ACSL5: variants seen among roughly 807,000 people sequenced by gnomAD.
ACSL5 encodes the protein acyl-CoA synthetase long chain family member 5.
ACSL5 carries 50 observed loss-of-function variants against 84.9 expected under a neutral mutation model. The observed-to-expected ratio is 0.59, with a 90% CI of 0.47 to 0.75. ACSL5 has a LOEUF of 0.75. Among genes scored for constraint, ACSL5 ranks in the 30% least tolerant of loss-of-function variants. The pLI, the probability that ACSL5 is intolerant of heterozygous loss-of-function variation, is 0.00. For missense variants in ACSL5, 775 were observed against 830.4 expected, an observed-to-expected ratio of 0.93 and a Z score of 0.82; for synonymous variants, 280 against 300.7, an observed-to-expected ratio of 0.93 and a Z score of 0.71.
Position 112,409,130 on chromosome 10 carries a change from T to C in ACSL5, c.533-377T>C, listed in dbSNP as rs59733621. ...AAAATTTAGAATTGTAAAATACTTGTCAGCTAAAAATCCTATTTGCCCCCT... is the reference window on the plus strand; with the variant it reads ...AAAATTTAGAATTGTAAAATACTTGCCAGCTAAAAATCCTATTTGCCCCCT... On this transcript the variant is annotated intron_variant, in intron 6 of 20. Coordinates refer to ENST00000354655, the MANE Select transcript of ACSL5 (RefSeq NM_203379.2). 5.8e-3 allele frequency: 1,075 copies of C among 184,704 alleles called. 13 individuals are homozygous for C. The highest frequency in any genetic ancestry group is 0.024 in the African/African-American group (1,008 of 42,676). 11.4% of individuals were successfully genotyped at this position (184,704 alleles called of 1,614,324 possible).
chr10:112,410,683 A>G, intron 9 of ACSL5, 48 bp downstream of exon 9: 1 of 1,576,646 alleles, frequency 6.3e-7, no homozygotes, highest in Non-Finnish European at 8.6e-7. Context: ...AGCCAAGAAC[A>G]TGGCTTCAAT....
intron 7 of ACSL5, 46 bp downstream of exon 7, chr10:112,409,731 C>T: frequency 6.3e-7 from 1 of 1,584,358 alleles, no homozygotes; most frequent in African/African-American, 1.3e-5. Context: ...TTGTCCAACA[C>T]CTTGGGCAAC....
rs768870384 is a variant in ACSL5 at position 112,409,640 on chromosome 10, A to T, written c.666A>T (p.Arg222Ser). The T allele has an allele frequency of 8.7e-6, 14 of 1,614,068 alleles. No individual in the cohort carries two copies. The highest frequency in any genetic ancestry group is 1.0e-5 in the Non-Finnish European group (12 of 1,180,026). Residue 222 changes from arginine to serine, a missense_variant, in exon 7 of 21, where the codon AGA becomes AGT. Transcript: ENST00000354655. The stretch of plus-strand genomic sequence containing the variant: ...CCTTTGATGATGACCTGAAGCAAAG[A>T]GGGGAGAAGAGTGGAATTGAGATCT... ...MDPFDDDLKQ[R>S]GEKSGIEILS...
rs1190011247 is a variant in ACSL5, at chr10:112,400,719, A to AT, written c.265+1717dup. Among the ~76,000 whole-genome samples, 3 of 151,764 alleles carry AT rather than the reference A, an allele frequency of 2.0e-5. No homozygotes were observed. In the South Asian group the frequency reaches 6.3e-4, roughly 32 times the overall value. On this transcript the variant is annotated intron_variant, in intron 3 of 20. Coordinates refer to ENST00000354655, the MANE Select transcript of ACSL5 (RefSeq NM_203379.2). ...ACCATGCCCGGCCTACACCTGGTTA[A>AT]TTTTTTTAATTTTTTGTAGAGACAA...
intron 5 of ACSL5, 39 bp downstream of exon 5, chr10:112,404,845 G>A (rs1245777934): frequency 1.9e-6 from 3 of 1,553,904 alleles, no homozygotes; most frequent in East Asian, 2.2e-5. Flanking sequence ...ATGAGTCAGG[G>A]TTAAGTTTAA....
Position 112,417,872 on chromosome 10 carries a change from A to C in ACSL5, c.1245A>C (p.Val415=), listed in dbSNP as rs754305544. Residue 415 remains valine, a synonymous_variant, in exon 14 of 21, where the codon GTA becomes GTC. Transcript: ENST00000354655. ...IQDSLGGRVR[V]IVTGAAPMST... Reference sequence around the variant, plus strand: ...ACAGCCTGGGCGGAAGGGTTCGTGTAATTGTCACTGGAGCTGCCCCCATGT... The same window carrying C: ...ACAGCCTGGGCGGAAGGGTTCGTGTCATTGTCACTGGAGCTGCCCCCATGT... 6.2e-7 allele frequency: 1 copy of C among 1,613,886 alleles called. No individual in the cohort carries two copies. Among genetic ancestry groups the C allele is most frequent in the African/African-American group, 1.3e-5 (1 of 74,894 alleles).
At chr10:112,410,685 G>C in intron 9 of ACSL5, 50 bp downstream of exon 9, 1 of 1,575,842 alleles carries the variant, frequency 6.3e-7, no homozygotes, top group Non-Finnish European at 8.6e-7. Context: ...CCAAGAACAT[G>C]GCTTCAATTC....
chr10:112,426,289 C>G lies in ACSL5; in HGVS notation c.1769C>G (p.Thr590Arg). ...SSLVGVVVPDTDVLPSFAAKL... is the reference protein window; with the variant it reads ...SSLVGVVVPDRDVLPSFAAKL... The stretch of plus-strand genomic sequence containing the variant: ...TTAGTAGGAGTGGTGGTTCCTGACA[C>G]AGATGTACTTCCCTCATTTGCAGCC... The change falls in exon 19 of 21, where the codon ACA (threonine) becomes AGA (arginine). Residue 590 changes from threonine to arginine, a missense_variant. By Grantham distance (71) the Thr-to-Arg change is moderately conservative (BLOSUM62 -1). Coordinates refer to ENST00000354655, the MANE Select transcript of ACSL5 (RefSeq NM_203379.2). 6.2e-7 allele frequency: 1 copy of G among 1,614,158 alleles called. No homozygotes were observed. The highest frequency in any genetic ancestry group is 8.5e-7 in the Non-Finnish European group (1 of 1,180,008).
chr10:112,398,869 G>A (rs1843808884), intron 2 of ACSL5, 32 bp from the exon 3 acceptor site: 7 of 1,584,454 alleles, frequency 4.4e-6, no homozygotes, highest in Non-Finnish European at 6.1e-6. Flanking sequence ...GGGGAGACTT[G>A]AACTTGGCCT....
chr10:112,411,718 G>A (rs1480624530), intron 10 of ACSL5, among the ~76,000 whole-genome samples, 184 bp from the exon 11 acceptor site: 1 of 152,032 alleles, frequency 6.6e-6, no homozygotes, highest in South Asian at 2.1e-4. Flanking sequence ...TCAAGCGTTG[G>A]TCTTTTAGGA....
At chr10:112,405,378 C>T (rs1263876719) in intron 5 of ACSL5, among the ~76,000 whole-genome samples, 1 of 152,162 alleles carries the variant, frequency 6.6e-6, no homozygotes, top group Non-Finnish European at 1.5e-5. Flanking sequence ...ATACATATAA[C>T]ATACAAAATC....
chr10:112,391,165 G>C (rs930173010), intron 1 of ACSL5, among the ~76,000 whole-genome samples: 8 of 152,180 alleles, frequency 5.3e-5, no homozygotes, highest in African/African-American at 1.9e-4. Context: ...GATCACCTGA[G>C]GTCAGGAGTT....
In ACSL5 at chr10:112,414,570, C is replaced by G. The variant is rs185985833; in HGVS notation, c.1083+1263C>G. Among the ~76,000 whole-genome samples the G allele has an allele frequency of 1.2e-4, 18 of 151,992 alleles. No homozygotes were observed. The East Asian group carries it at 3.1e-3, about 26-fold the overall frequency. On this transcript the variant is annotated intron_variant, in intron 12 of 20. Transcript: ENST00000354655. Reference sequence around the variant, plus strand: ...ATGGGGTTTCACCATATTGGCCAGGCTGGTCTCGAACTCCTGACCTCAAGT... The same window carrying G: ...ATGGGGTTTCACCATATTGGCCAGGGTGGTCTCGAACTCCTGACCTCAAGT...
intron 15 of ACSL5, 34 bp downstream of exon 15, chr10:112,421,699 T>C (rs754865430): frequency 1.3e-6 from 2 of 1,584,780 alleles, no homozygotes; most frequent in Non-Finnish European, 1.7e-6. Flanking sequence ...GGAGGTGCCA[T>C]GGTTGGGAGA....
At chr10:112,410,193 G>A (rs1844145258) in intron 7 of ACSL5, 3 of 1,465,350 alleles carry the variant, frequency 2.0e-6, no homozygotes, top group East Asian at 2.8e-5. Context: ...ATTTAGTTAG[G>A]GCCCTAGATG....
rs562763331 is a variant in ACSL5, at chr10:112,403,478, G to T, written c.266-1033G>T. Among the ~76,000 whole-genome samples, 6 of 152,316 alleles carry T rather than the reference G, an allele frequency of 3.9e-5. No homozygotes were observed. In the East Asian group the frequency reaches 9.7e-4, roughly 25 times the overall value. ...ATTTTGTATTTTTAGTAGAGACGGG[G>T]TTTCTCCATGTTGGGCAGGCTGGTC... On this transcript the variant is annotated intron_variant, in intron 3 of 20. Transcript: ENST00000354655.
At chr10:112,411,677 G>T in intron 10 of ACSL5, 148 bp downstream of exon 10, 1 of 892,166 alleles carries the variant, frequency 1.1e-6, no homozygotes, top group Non-Finnish European at 1.7e-6. Flanking sequence ...ACAAACACCA[G>T]CGTGTTCTTT....
chr10:112,375,971 C>T (rs1252270225), intron 1 of ACSL5, among the ~76,000 whole-genome samples: 6 of 152,184 alleles, frequency 3.9e-5, no homozygotes, highest in Admixed American at 1.3e-4. Flanking sequence ...CTCTGTGAGG[C>T]TTCTGATCTG....
chr10:112,406,734 G>A lies in ACSL5; in HGVS notation c.433-1688G>A, dbSNP rs546045767. 3.3e-5 allele frequency: 5 copies of A among 152,364 alleles called. No homozygotes were observed. The East Asian group carries it at 9.6e-4, about 29-fold the overall frequency. 9.4% of individuals were successfully genotyped at this position (152,364 alleles called of 1,614,324 possible). ...CTCACAGTTCTGCAGTGCTGGGGAGGCCTCAAGAAACTTACAATCATGGCG... is the reference window on the plus strand; with the variant it reads ...CTCACAGTTCTGCAGTGCTGGGGAGACCTCAAGAAACTTACAATCATGGCG... On this transcript the variant is annotated intron_variant, in intron 5 of 20. Coordinates refer to ENST00000354655, the MANE Select transcript of ACSL5 (RefSeq NM_203379.2).
Sources: gnomAD v4.1 joint callset for allele counts (sites outside exome capture counted in the v4.1 genomes callset) on GRCh38, gnomAD v4.1.1 for gene constraint, MANE v1.5 for transcripts, NCBI Gene and HGNC (gene_info 2026-07-23, HGNC 2026-07-21) for gene names.